The following DNAJC10 variants were observed in gnomAD, a reference collection of about 807,000 sequenced individuals.
The protein encoded by DNAJC10 is endoplasmic reticulum disulfide reductase DNAJC10.
DNAJC10 carries 101 observed loss-of-function variants against 115.0 expected under a neutral mutation model. The ratio of observed to expected loss-of-function variants is 0.88; its 90% CI spans 0.75 to 1.04. The LOEUF (loss-of-function observed/expected upper bound fraction) is 1.04, where lower values mean the gene tolerates loss of function less well. Among genes scored for constraint, DNAJC10 ranks in the 50% least tolerant of loss-of-function variants. The pLI is 0.00. For missense variants in DNAJC10, 981 were observed against 928.8 expected, an observed-to-expected ratio of 1.06 and a Z score of -0.73; for synonymous variants, 307 against 301.5, an observed-to-expected ratio of 1.02 and a Z score of -0.19.
chr2:182,760,290 C>A (rs1290661270), intron 21 of DNAJC10, among the ~76,000 whole-genome samples: 1 of 152,104 alleles, frequency 6.6e-6, no homozygotes, highest in East Asian at 1.9e-4. Context: ...ATCAGTGTCA[C>A]CTGGATATGT....
intron 1 of DNAJC10, among the ~76,000 whole-genome samples, chr2:182,716,780 C>G (rs1329686147): frequency 2.6e-5 from 4 of 152,186 alleles, no homozygotes; most frequent in Admixed American, 6.5e-5. Flanking sequence ...CCCCTCTCCC[C>G]TCTCCCACTC....
At position 182,720,109 on chromosome 2, in the gene DNAJC10, G is replaced by A; in HGVS notation, c.307G>A (p.Gly103Arg). 1 of 1,612,274 alleles carries A rather than the reference G, an allele frequency of 6.2e-7. No individual in the cohort carries two copies. The highest frequency in any genetic ancestry group is 2.2e-5 in the East Asian group (1 of 44,704). ...AAAGTATGACAAATATGGAGAAAAGGGACTTGAGGATAATCAAGGTGGCCA... is the reference window on the plus strand; with the variant it reads ...AAAGTATGACAAATATGGAGAAAAGAGACTTGAGGATAATCAAGGTGGCCA... The part of the protein sequence containing the change: ...RKKYDKYGEK[G>R]LEDNQGGQYE... The change falls in exon 4 of 24, where the codon GGA becomes AGA. Residue 103 changes from glycine to arginine, a missense_variant. By Grantham distance (125) the Gly-to-Arg change is moderately radical. Coordinates refer to ENST00000264065, the MANE Select transcript of DNAJC10 (RefSeq NM_018981.4).
Position 182,782,615 on chromosome 2 carries a change from C to A in DNAJC10, c.*5483C>A, listed in dbSNP as rs1488348642. On this transcript the variant is annotated 3_prime_UTR_variant, in exon 24 of 24. Transcript: ENST00000264065. The stretch of plus-strand genomic sequence containing the variant: ...TTTCCTTGAGCAGTGGTTTGTAGTT[C>A]TTGAAGAGGTCCTTCACGTCCCTTG... The A allele has an allele frequency of 6.6e-6, 1 of 152,014 alleles. No individual in the cohort carries two copies. Among genetic ancestry groups the A allele is most frequent in the Non-Finnish European group, 1.5e-5 (1 of 67,984 alleles). 9.4% of individuals were successfully genotyped at this position (152,014 alleles called of 1,614,324 possible). A position where few individuals can be genotyped will look rare whatever the true frequency, so the allele number is the denominator to read the frequency against.
At position 182,785,045 on chromosome 2, in the gene DNAJC10, AAAGTT is replaced by A. The variant is rs1404493210; in HGVS notation, c.*7916_*7920del. Reference sequence around the variant, plus strand: ...ATGTTTGACTATGAGAAATTGCAGAAAAGTTAAAAGTATTTCGCATCCAAAAGTTT... The same window carrying A: ...ATGTTTGACTATGAGAAATTGCAGAAAAAAGTATTTCGCATCCAAAAGTTT... On this transcript the variant is annotated 3_prime_UTR_variant, in exon 24 of 24. Transcript: ENST00000264065. The A allele has an allele frequency of 2.0e-5, 3 of 152,336 alleles. No individual in the cohort carries two copies. Among genetic ancestry groups the A allele is most frequent in the Admixed American group, 2.0e-4 (3 of 15,294 alleles). The allele number at this position is 152,336 out of a possible 1,614,324, so 9.4% of individuals were successfully genotyped here. A position where few individuals can be genotyped will look rare whatever the true frequency, so the allele number is the denominator to read the frequency against.
intron 11 of DNAJC10, 70 bp from the exon 12 acceptor site, chr2:182,740,229 A>G (rs2105643792): frequency 8.3e-7 from 1 of 1,202,980 alleles, no homozygotes; most frequent in South Asian, 2.3e-5. Flanking sequence ...TTGGAAATTG[A>G]AAAAACAAAA....
In DNAJC10 at chr2:182,759,229, T is replaced by A; in HGVS notation, c.2067T>A (p.Asn689Lys). Residue 689 changes from asparagine (N) to lysine (K), a missense_variant, in exon 21 of 24, where the codon AAT (asparagine) becomes AAA (lysine). Coordinates refer to ENST00000264065, the MANE Select transcript of DNAJC10 (RefSeq NM_018981.4). ...TFSEKVLQGK[N>K]HWVIDFYAPW... ...GTGAAAAAGTTCTACAAGGGAAAAA[T>A]CATTGGGTGATTGATTTCTATGCTC... 6.2e-7 allele frequency: 1 copy of A among 1,610,900 alleles called. No homozygotes were observed. Among genetic ancestry groups the A allele is most frequent in the Non-Finnish European group, 8.5e-7 (1 of 1,179,276 alleles).
At chr2:182,736,459 T>G in intron 11 of DNAJC10, 73 bp downstream of exon 11, 3 of 1,108,348 alleles carry the variant, frequency 2.7e-6, no homozygotes, top group Non-Finnish European at 3.6e-6. Flanking sequence ...ATTATTTTTG[T>G]AAGCAGTGAG....
intron 22 of DNAJC10, 80 bp from the exon 23 acceptor site, chr2:182,775,236 C>A: frequency 3.5e-6 from 3 of 866,212 alleles, no homozygotes; most frequent in East Asian, 2.7e-5. Flanking sequence ...AACTTGAAAG[C>A]ATATTTAATC....
intron 22 of DNAJC10, among the ~76,000 whole-genome samples, chr2:182,770,197 A>G (rs537482903): frequency 1.2e-4 from 19 of 152,308 alleles, no homozygotes; most frequent in African/African-American, 3.8e-4. Flanking sequence ...TACCAGTACC[A>G]TGCTGTTTTG....
chr2:182,743,471 G>A (rs747886558), intron 13 of DNAJC10, 127 bp from the exon 14 acceptor site: 21 of 614,816 alleles, frequency 3.4e-5, no homozygotes, highest in South Asian at 4.1e-5. Context: ...TCTTATTTTC[G>A]TAGCCTATTA....
chr2:182,756,398 A>G lies in DNAJC10; in HGVS notation c.1738A>G (p.Met580Val). Residue 580 changes from methionine (M) to valine (V), a missense_variant, in exon 18 of 24, where the codon ATG becomes GTG. Physicochemically the swap from Met to Val is conservative, Grantham distance 21. Transcript: ENST00000264065. ...ACAAAGAAAACACAACGAAGTCTGG[A>G]TGGTTGATTTCTATTCTCCGTGGTG... ...VTQRKHNEVW[M>V]VDFYSPWCHP... 6.2e-7 allele frequency: 1 copy of G among 1,614,062 alleles called. No individual in the cohort carries two copies. Among genetic ancestry groups the G allele is most frequent in the Non-Finnish European group, 8.5e-7 (1 of 1,179,932 alleles).
At chr2:182,746,888 A>G (rs1166268816) in intron 14 of DNAJC10, among the ~76,000 whole-genome samples, 1 of 151,850 alleles carries the variant, frequency 6.6e-6, no homozygotes, top group Admixed American at 6.6e-5. Context: ...TCTTTAATCC[A>G]TCTTGAATTA....
chr2:182,745,827 C>T (rs919392653), intron 14 of DNAJC10, among the ~76,000 whole-genome samples: 12 of 151,318 alleles, frequency 7.9e-5, no homozygotes, highest in African/African-American at 1.7e-4. Context: ...CATGCTGGTG[C>T]GCTGCACCCA....
In DNAJC10 at chr2:182,779,741, T is replaced by TA. The variant is rs779031390; in HGVS notation, c.*2612dup. Reference sequence around the variant, plus strand: ...AATTTTATATTCTCAAAATTTTCTTTAAATTTGCTCTGTTTTCTGACAGTG... The same window carrying TA: ...AATTTTATATTCTCAAAATTTTCTTTAAAATTTGCTCTGTTTTCTGACAGTG... On this transcript the variant is annotated 3_prime_UTR_variant, in exon 24 of 24. Transcript: ENST00000264065. 1.3e-5 allele frequency: 2 copies of TA among 152,216 alleles called. No individual in the cohort carries two copies. The highest frequency in any genetic ancestry group is 6.5e-5 in the Admixed American group (1 of 15,272). 9.4% of individuals were successfully genotyped at this position (152,216 alleles called of 1,614,324 possible).
rs568233677 is a variant in DNAJC10 at position 182,784,619 on chromosome 2, T to C, written c.*7487T>C. Reference sequence around the variant, plus strand: ...TAGAAATTATAAATTCATTGTTTTATGCCTTAAAAATTATAAATAATGATA... The same window carrying C: ...TAGAAATTATAAATTCATTGTTTTACGCCTTAAAAATTATAAATAATGATA... On this transcript the variant is annotated 3_prime_UTR_variant, in exon 24 of 24. Coordinates refer to ENST00000264065, the MANE Select transcript of DNAJC10 (RefSeq NM_018981.4). The C allele has an allele frequency of 6.6e-6, 1 of 152,356 alleles. No homozygotes were observed. The highest frequency in any genetic ancestry group is 2.1e-4 in the South Asian group (1 of 4,834). 9.4% of individuals were successfully genotyped at this position (152,356 alleles called of 1,614,324 possible). A position where few individuals can be genotyped will look rare whatever the true frequency, so the allele number is the denominator to read the frequency against.
rs1695061031 is a variant in DNAJC10, at chr2:182,792,112, A to G, written c.*14980A>G. ...TTTCATGCCATCATCTTGACACTCA[A>G]TACATGTTCAAAGAGTAAATTAAAG... On this transcript the variant is annotated 3_prime_UTR_variant, in exon 24 of 24. Coordinates refer to ENST00000264065, the MANE Select transcript of DNAJC10 (RefSeq NM_018981.4). The G allele has an allele frequency of 6.6e-6, 1 of 152,176 alleles. No individual in the cohort carries two copies. Among genetic ancestry groups the G allele is most frequent in the African/African-American group, 2.4e-5 (1 of 41,452 alleles). 9.4% of individuals were successfully genotyped at this position (152,176 alleles called of 1,614,324 possible).
At chr2:182,729,155 ATTTT>A (rs112024053) in intron 7 of DNAJC10, 161 bp downstream of exon 7, 2 of 644,028 alleles carry the variant, frequency 3.1e-6, no homozygotes. Context: ...TGGATTATGA[ATTTT>A]TTTTTTTGAG....
chr2:182,752,040 C>G lies in DNAJC10; in HGVS notation c.1435-32C>G. On this transcript the variant is annotated intron_variant, in intron 15 of 23. Coordinates refer to ENST00000264065, the MANE Select transcript of DNAJC10 (RefSeq NM_018981.4). ...TGGGGGGGTTTTTTGTGTCATTTGG[C>G]TCGGTGCTTATGAATATTTTTTCTT... The G allele has an allele frequency of 3.3e-6, 5 of 1,532,012 alleles. No individual in the cohort carries two copies. The South Asian group carries it at 4.5e-5, about 14-fold the overall frequency. 94.9% of individuals were successfully genotyped at this position (1,532,012 alleles called of 1,614,324 possible).
At chr2:182,773,430 A>T (rs1208965483) in intron 22 of DNAJC10, among the ~76,000 whole-genome samples, 2 of 152,288 alleles carry the variant, frequency 1.3e-5, no homozygotes, top group East Asian at 3.9e-4. Flanking sequence ...GTGTTTTCCA[A>T]CTTGGTTCCA....
Sources: gnomAD v4.1 joint callset for allele counts (sites outside exome capture counted in the v4.1 genomes callset) on GRCh38, gnomAD v4.1.1 for gene constraint, MANE v1.5 for transcripts, NCBI Gene and HGNC (gene_info 2026-07-23, HGNC 2026-07-21) for gene names.